FGFR3: variants seen among roughly 807,000 people sequenced by gnomAD.
FGFR3 encodes the protein FGFR-3.
A neutral mutation model predicts 82.9 loss-of-function variants in FGFR3; 25 were observed. The observed-to-expected ratio is 0.30, with a 90% CI of 0.22 to 0.42. The LOEUF is 0.42. Among genes scored for constraint, FGFR3 ranks in the 10% least tolerant of loss-of-function variants. The pLI, the probability that FGFR3 is intolerant of heterozygous loss-of-function variation, is 1.00. For missense variants in FGFR3, 1,026 were observed against 1,161.0 expected (o/e 0.88, Z 1.69); for synonymous variants, 620 against 516.0 (o/e 1.20, Z -2.73).
intron 2 of FGFR3, among the ~76,000 whole-genome samples, chr4:1,795,488 C>T (rs1409869294): frequency 6.7e-6 from 1 of 148,492 alleles, no homozygotes; most frequent in African/African-American, 2.4e-5. Context: ...GTGAGTTGAT[C>T]GGTCAATAAA....
intron 7 of FGFR3, chr4:1,802,909 C>G (rs779663214): frequency 1.3e-6 from 2 of 1,588,280 alleles, no homozygotes; most frequent in Admixed American, 3.5e-5. Flanking sequence ...CTCTTGTCCC[C>G]GCAGTCCTGG....
chr4:1,797,716 C>A (rs528686750), intron 2 of FGFR3, among the ~76,000 whole-genome samples: 3 of 152,312 alleles, frequency 2.0e-5, no homozygotes, highest in East Asian at 1.9e-4. Context: ...CAGGAGCCCC[C>A]CTGACTGCGG....
At position 1,807,199 on chromosome 4, in the gene FGFR3, C is replaced by T. The variant is rs1247982827; in HGVS notation, c.2358C>T (p.Asp786=). 1 of 1,608,410 alleles carries T rather than the reference C, an allele frequency of 6.2e-7. No individual in the cohort carries two copies. The highest frequency in any genetic ancestry group is 1.1e-5 in the South Asian group (1 of 90,192). The change falls in exon 18 of 18, where the codon GAC becomes GAT. Residue 786 remains aspartate, a synonymous_variant. Coordinates refer to ENST00000440486, the MANE Select transcript of FGFR3 (RefSeq NM_000142.5). ...DTPSSSSSGD[D]SVFAHDLLPP... is the part of the protein sequence containing the mutation. ...CCAGCTCCAGCTCCTCAGGGGACGA[C>T]TCCGTGTTTGCCCACGACCTGCTGC...
At chr4:1,796,536 C>T (rs3135853) in intron 2 of FGFR3, among the ~76,000 whole-genome samples, 1 of 152,074 alleles carries the variant, frequency 6.6e-6, no homozygotes, top group Non-Finnish European at 1.5e-5. Context: ...CCCCAAAACC[C>T]AAATAAACCC....
rs993865288 is a variant in FGFR3, at chr4:1,808,089, A to G, written c.*827A>G. The G allele has an allele frequency of 5.6e-5, 13 of 232,750 alleles. No homozygotes were observed. Among genetic ancestry groups the G allele is most frequent in the Non-Finnish European group, 1.0e-4 (12 of 118,000 alleles). The allele number at this position is 232,750 out of a possible 1,614,324, so 14.4% of individuals were successfully genotyped here. On this transcript the variant is annotated 3_prime_UTR_variant, in exon 18 of 18. Coordinates refer to ENST00000440486, the MANE Select transcript of FGFR3 (RefSeq NM_000142.5). ...TCTGGCACCGCAGTTTTGTTTTAAAACTGGACCTGTATATTTGTAAAGCTA... is the reference window on the plus strand; with the variant it reads ...TCTGGCACCGCAGTTTTGTTTTAAAGCTGGACCTGTATATTTGTAAAGCTA...
rs766513208 is a variant in FGFR3, at chr4:1,801,657, T to C, written c.653T>C (p.Val218Ala). Residue 218 changes from valine to alanine, a missense_variant, in exon 6 of 18, where the codon GTG becomes GCG. Coordinates refer to ENST00000440486, the MANE Select transcript of FGFR3 (RefSeq NM_000142.5). ...CAGTGGAGCCTGGTCATGGAAAGCGTGGTGCCCTCGGACCGCGGCAACTAC... is the reference window on the plus strand; with the variant it reads ...CAGTGGAGCCTGGTCATGGAAAGCGCGGTGCCCTCGGACCGCGGCAACTAC... ...HQQWSLVMES[V>A]VPSDRGNYTC... 1.9e-6 allele frequency: 3 copies of C among 1,611,440 alleles called. No individual in the cohort carries two copies. In the South Asian group the frequency reaches 3.3e-5, roughly 18 times the overall value.
At position 1,806,847 on chromosome 4, in the gene FGFR3, G is replaced by A. The variant is rs2108814195; in HGVS notation, c.2187G>A (p.Glu729=). 6.2e-7 allele frequency: 1 copy of A among 1,609,952 alleles called. No individual in the cohort carries two copies. Among genetic ancestry groups the A allele is most frequent in the South Asian group, 1.1e-5 (1 of 90,530 alleles). ...CCCGCAGGTACATGATCATGCGGGA[G>A]TGCTGGCATGCCGCGCCCTCCCAGA... is the stretch of plus-strand genomic sequence containing the variant. ...CTHDLYMIMR[E]CWHAAPSQRP... is the part of the protein sequence containing the mutation. Residue 729 remains glutamate, a synonymous_variant, in exon 17 of 18, where the codon GAG becomes GAA. Transcript: ENST00000440486.
chr4:1,807,971 C>T lies in FGFR3; in HGVS notation c.*709C>T. Reference sequence around the variant, plus strand: ...ACGGAGGCCTGCGACCCTGGGGGCACAGGAGGCAGGCATGGCCCTGGGCGG... The same window carrying T: ...ACGGAGGCCTGCGACCCTGGGGGCATAGGAGGCAGGCATGGCCCTGGGCGG... On this transcript the variant is annotated 3_prime_UTR_variant, in exon 18 of 18. Transcript: ENST00000440486. The T allele has an allele frequency of 4.0e-6, 1 of 252,314 alleles. No homozygotes were observed. Among genetic ancestry groups the T allele is most frequent in the African/African-American group, 2.2e-5 (1 of 45,524 alleles). The allele number at this position is 252,314 out of a possible 1,614,324, so 15.6% of individuals were successfully genotyped here. A position where few individuals can be genotyped will look rare whatever the true frequency, so the allele number is the denominator to read the frequency against.
intron 7 of FGFR3, among the ~76,000 whole-genome samples, chr4:1,802,634 G>C (rs953703438): frequency 6.6e-6 from 1 of 152,188 alleles, no homozygotes; most frequent in Non-Finnish European, 1.5e-5. Flanking sequence ...AGGCCGCCTC[G>C]GGCCCTGTCC....
chr4:1,794,472 A>C (rs1186656796), intron 2 of FGFR3, among the ~76,000 whole-genome samples: 1 of 152,026 alleles, frequency 6.6e-6, no homozygotes, highest in East Asian at 1.9e-4. Flanking sequence ...GAGAGACCGG[A>C]CTTCTAAGGG....
intron 7 of FGFR3, among the ~76,000 whole-genome samples, chr4:1,803,338 C>G (rs1055954799): frequency 2.0e-5 from 3 of 152,196 alleles, no homozygotes; most frequent in Non-Finnish European, 4.4e-5. Context: ...GTGAGCACCC[C>G]TTTGCGCCTC....
At position 1,802,033 on chromosome 4, in the gene FGFR3, A is replaced by G; in HGVS notation, c.930+8A>G. On this transcript the variant is annotated splice_region_variant and intron_variant, in intron 7 of 17. Transcript: ENST00000440486. ...TACGTTACCGTGCTCAAGGTGGGCC[A>G]CCGTGTGCACGTGGGTGCCGCCGCT... is the stretch of plus-strand genomic sequence containing the variant. The G allele has an allele frequency of 6.2e-7, 1 of 1,609,622 alleles. No homozygotes were observed. The highest frequency in any genetic ancestry group is 1.1e-5 in the South Asian group (1 of 90,670).
rs778478319 is a variant in FGFR3, at chr4:1,806,245, A to G, written c.1960-12A>G. The G allele has an allele frequency of 5.3e-5, 85 of 1,612,824 alleles. No homozygotes were observed. The East Asian group carries it at 1.9e-3, about 36-fold the overall frequency. ...CGCCTGGCGCCAACACCGCCTTCCC[A>G]CACCCTCCCAGGGCCGGCTGCCCGT... On this transcript the variant is annotated splice_polypyrimidine_tract_variant and intron_variant, in intron 14 of 17. Coordinates refer to ENST00000440486, the MANE Select transcript of FGFR3 (RefSeq NM_000142.5).
At chr4:1,804,220 CT>C in intron 8 of FGFR3, 109 bp from the exon 9 acceptor site, 1 of 1,285,162 alleles carries the variant, frequency 7.8e-7, no homozygotes. Flanking sequence ...TGCTGAGGTT[CT>C]GAGCCCCCTT....
intron 7 of FGFR3, 65 bp from the exon 8 acceptor site, chr4:1,803,627 G>A: frequency 1.9e-6 from 3 of 1,584,146 alleles, no homozygotes; most frequent in Non-Finnish European, 2.6e-6. Context: ...CCTGCCGTGT[G>A]GACTCTGTGC....
rs2108800345 is a variant in FGFR3, at chr4:1,804,934, G to A, written c.1377G>A (p.Leu459=). 1 of 1,550,108 alleles carries A rather than the reference G, an allele frequency of 6.5e-7. No individual in the cohort carries two copies. Among genetic ancestry groups the A allele is most frequent in the Non-Finnish European group, 8.7e-7 (1 of 1,146,886 alleles). Residue 459 remains leucine, a synonymous_variant, in exon 10 of 18, where the codon CTG becomes CTA. Transcript: ENST00000440486. ...PTLANVSELE[L]PADPKWELSR... is the part of the protein sequence containing the mutation. ...TGGCCAATGTCTCCGAGCTCGAGCT[G>A]CCTGCCGACCCCAAATGGGAGCTGT...
At chr4:1,797,762 C>G (rs571646937) in intron 2 of FGFR3, among the ~76,000 whole-genome samples, 2 of 152,154 alleles carry the variant, frequency 1.3e-5, no homozygotes, top group Non-Finnish European at 2.9e-5. Flanking sequence ...CTGTGGGTCC[C>G]GGTGGGGCGA....
Position 1,806,527 on chromosome 4 carries a change from A to G in FGFR3, c.2031-19A>G, listed in dbSNP as rs1721942905. On this transcript the variant is annotated intron_variant, in intron 15 of 17. Transcript: ENST00000440486. ...GTCCTGGGAGTCTCAGGACAGCCTG[A>G]CCTCACCTTCCCCTGCAGCTGGTCC... 10 of 1,612,742 alleles carry G rather than the reference A, an allele frequency of 6.2e-6. No homozygotes were observed. The highest frequency in any genetic ancestry group is 8.5e-6 in the Non-Finnish European group (10 of 1,179,900).
chr4:1,797,342 C>A (rs1054264872), intron 2 of FGFR3, among the ~76,000 whole-genome samples: 4 of 152,194 alleles, frequency 2.6e-5, no homozygotes, highest in African/African-American at 9.7e-5. Flanking sequence ...CGCCACCCAG[C>A]CCCTGCTGGG....
Sources: gnomAD v4.1 joint callset for allele counts (sites outside exome capture counted in the v4.1 genomes callset) on GRCh38, gnomAD v4.1.1 for gene constraint, MANE v1.5 for transcripts, NCBI Gene and HGNC (gene_info 2026-07-23, HGNC 2026-07-21) for gene names.